The following AUTS2 variants were observed in gnomAD, a reference collection of about 807,000 sequenced individuals.
AUTS2 encodes activator of transcription and developmental regulator AUTS2, also known as autism susceptibility gene 2 protein.
AUTS2 carries 17 observed loss-of-function variants against 112.4 expected under a neutral mutation model. The ratio of observed to expected loss-of-function variants is 0.15; its 90% CI spans 0.10 to 0.23. The LOEUF is 0.23. Among genes scored for constraint, AUTS2 ranks in the 10% least tolerant of loss-of-function variants. The pLI, the probability that AUTS2 is intolerant of heterozygous loss-of-function variation, is 1.00. For missense variants in AUTS2, 1,510 were observed against 1,701.6 expected (o/e 0.89, Z 1.98); for synonymous variants, 751 against 702.7 (o/e 1.07, Z -1.09).
intron 1 of AUTS2, among the ~76,000 whole-genome samples, chr7:69,838,799 C>T (rs922430884): frequency 3.9e-5 from 6 of 152,114 alleles, no homozygotes; most frequent in African/African-American, 1.4e-4. Flanking sequence ...TTTATTCAGC[C>T]CTTGCTGTGG....
intron 4 of AUTS2, among the ~76,000 whole-genome samples, chr7:70,255,115 C>T (rs141283689): frequency 0.011 from 1,584 of 149,426 alleles, 25 homozygotes; most frequent in African/African-American, 0.036. Flanking sequence ...ACTCTGTCGC[C>T]CAGGCTGGAG....
chr7:69,733,893 G>C (rs947275401), intron 1 of AUTS2, among the ~76,000 whole-genome samples: 2 of 152,194 alleles, frequency 1.3e-5, no homozygotes, highest in South Asian at 4.2e-4. Context: ...AATGTTCTAA[G>C]AGTGGCTATA....
At chr7:69,655,062 G>A (rs1460595556) in intron 1 of AUTS2, among the ~76,000 whole-genome samples, 1 of 152,072 alleles carries the variant, frequency 6.6e-6, no homozygotes, top group African/African-American at 2.4e-5. Context: ...ATAAAACAAG[G>A]CACTCTTCAG....
At chr7:69,765,322 C>A (rs1195052598) in intron 1 of AUTS2, among the ~76,000 whole-genome samples, 1 of 152,192 alleles carries the variant, frequency 6.6e-6, no homozygotes, top group Non-Finnish European at 1.5e-5. Flanking sequence ...TAGTGAGCAT[C>A]TTGGATTGAG....
At chr7:70,388,458 G>A (rs1211393897) in intron 4 of AUTS2, among the ~76,000 whole-genome samples, 1 of 152,156 alleles carries the variant, frequency 6.6e-6, no homozygotes, top group Non-Finnish European at 1.5e-5. Context: ...AACTAAACTT[G>A]TAGATGACAG....
intron 6 of AUTS2, among the ~76,000 whole-genome samples, chr7:70,709,049 C>A (rs1453752754): frequency 6.6e-6 from 1 of 151,682 alleles, no homozygotes; most frequent in Non-Finnish European, 1.5e-5. Context: ...TCCCGAGTAG[C>A]TGGGATTACA....
At chr7:69,902,344 G>C (rs1795001723) in intron 2 of AUTS2, among the ~76,000 whole-genome samples, 1 of 152,100 alleles carries the variant, frequency 6.6e-6, no homozygotes, top group Non-Finnish European at 1.5e-5. Context: ...GCCTGCGTTT[G>C]CCTCTTATCA....
At chr7:70,034,979 G>A (rs1324417277) in intron 2 of AUTS2, among the ~76,000 whole-genome samples, 1 of 150,328 alleles carries the variant, frequency 6.7e-6, no homozygotes, top group Non-Finnish European at 1.5e-5. Context: ...CTATAGTCAC[G>A]TGCCATTACG....
intron 5 of AUTS2, among the ~76,000 whole-genome samples, chr7:70,454,647 C>T (rs1194804130): frequency 6.6e-6 from 1 of 152,210 alleles, no homozygotes; most frequent in African/African-American, 2.4e-5. Context: ...GTAATCCCAG[C>T]ACTTTGCGAC....
At chr7:69,794,540 G>C (rs538414086) in intron 1 of AUTS2, among the ~76,000 whole-genome samples, 1 of 152,204 alleles carries the variant, frequency 6.6e-6, no homozygotes, top group Non-Finnish European at 1.5e-5. Context: ...TTTCTAGGAA[G>C]TTAATTTGCA....
At chr7:70,197,542 G>A (rs1810251988) in intron 4 of AUTS2, among the ~76,000 whole-genome samples, 1 of 125,092 alleles carries the variant, frequency 8.0e-6, no homozygotes, top group Non-Finnish European at 1.7e-5. Context: ...AGCGCAAGGG[G>A]TCAGGGAGTT....
rs1332721623 is a variant in AUTS2 at position 70,273,062 on chromosome 7, T to G, written c.660+138491T>G. ...TTGTGTCTGATTTATTTATTTTATTTTTTTGAGACAGGGTCTCACTCTGTC... is the reference window on the plus strand; with the variant it reads ...TTGTGTCTGATTTATTTATTTTATTGTTTTGAGACAGGGTCTCACTCTGTC... On this transcript the variant is annotated intron_variant, in intron 4 of 18. Coordinates refer to ENST00000342771, the MANE Select transcript of AUTS2 (RefSeq NM_015570.4). Among the ~76,000 whole-genome samples the G allele has an allele frequency of 2.0e-5, 3 of 152,290 alleles. No individual in the cohort carries two copies. The South Asian group carries it at 6.2e-4, about 32-fold the overall frequency.
Position 70,208,710 on chromosome 7 carries a change from T to C in AUTS2, c.660+74139T>C, listed in dbSNP as rs537487495. ...GAGAAGATAACCTAGGCTAACGTGA[T>C]AGAGATGGGTGGTGAGGATGTGAGT... On this transcript the variant is annotated intron_variant, in intron 4 of 18. Coordinates refer to ENST00000342771, the MANE Select transcript of AUTS2 (RefSeq NM_015570.4). 1.9e-4 allele frequency among the ~76,000 whole-genome samples: 29 copies of C among 151,936 alleles called. No individual in the cohort carries two copies. In the East Asian group the frequency reaches 3.7e-3, roughly 19 times the overall value.
Position 70,568,394 on chromosome 7 carries a change from A to G in AUTS2, c.691-130175A>G, listed in dbSNP as rs371372619. 7.2e-5 allele frequency among the ~76,000 whole-genome samples: 11 copies of G among 152,330 alleles called. 1 individual carries two copies. The highest frequency in any genetic ancestry group is 6.8e-3 in the Middle Eastern group (2 of 294). On this transcript the variant is annotated intron_variant, in intron 5 of 18. Coordinates refer to ENST00000342771, the MANE Select transcript of AUTS2 (RefSeq NM_015570.4). ...CTTCAGATTGTGAGGATTGAATGGG[A>G]TATACACATAAAGCTCTCAATGCCT...
At chr7:69,821,847 T>A (rs1791010580) in intron 1 of AUTS2, among the ~76,000 whole-genome samples, 1 of 149,654 alleles carries the variant, frequency 6.7e-6, no homozygotes, top group South Asian at 2.1e-4. Flanking sequence ...GCTCAGGAGG[T>A]TGAGGCTGCA....
At chr7:70,334,421 C>G (rs1032904541) in intron 4 of AUTS2, among the ~76,000 whole-genome samples, 1 of 152,186 alleles carries the variant, frequency 6.6e-6, no homozygotes, top group South Asian at 2.1e-4. Context: ...AAGTAAGTAA[C>G]TAACTTACAG....
In AUTS2 at chr7:70,790,753, C is replaced by A; in HGVS notation, c.3537C>A (p.Leu1179=). The change falls in exon 19 of 19, where the codon CTC becomes CTA. Residue 1179 remains leucine (L), a synonymous_variant. Coordinates refer to ENST00000342771, the MANE Select transcript of AUTS2 (RefSeq NM_015570.4). This position sits in a 1 kb window ranked among gnomAD's most constrained non-coding sequence, Gnocchi z 7.6. ...ACCCCGCCTCCCTCGACGGACACCTCCCCCACCCCAGCCTCATCACCCCGG... is the reference window on the plus strand; with the variant it reads ...ACCCCGCCTCCCTCGACGGACACCTACCCCACCCCAGCCTCATCACCCCGG... ...SVHPASLDGH[L]PHPSLITPGL... The A allele has an allele frequency of 1.2e-6, 2 of 1,613,402 alleles. No homozygotes were observed. The highest frequency in any genetic ancestry group is 1.7e-5 in the Admixed American group (1 of 59,998).
chr7:69,605,234 G>A (rs544151846), intron 1 of AUTS2, among the ~76,000 whole-genome samples: 4 of 152,284 alleles, frequency 2.6e-5, no homozygotes, highest in South Asian at 4.1e-4. Flanking sequence ...GATGGTAGAC[G>A]ACTTGGAAAA....
intron 2 of AUTS2, among the ~76,000 whole-genome samples, chr7:69,922,256 C>T (rs1562970345): frequency 6.6e-6 from 1 of 152,148 alleles, no homozygotes; most frequent in Non-Finnish European, 1.5e-5. Context: ...AACTTACTAC[C>T]AACTAGCGCT....
Sources: gnomAD v4.1 joint callset for allele counts (sites outside exome capture counted in the v4.1 genomes callset) on GRCh38, gnomAD v4.1.1 for gene constraint, Gnocchi (gnomAD v3.1) non-coding constraint, MANE v1.5 for transcripts, NCBI Gene and HGNC (gene_info 2026-07-23, HGNC 2026-07-21) for gene names.